Variants in ACSM4 observed in about 807,000 individuals in gnomAD.
ACSM4 encodes the protein acyl-CoA synthetase medium chain family member 4.
ACSM4 carries 66 observed loss-of-function variants against 73.0 expected under a neutral mutation model. That is an observed-to-expected ratio of 0.90 (90% CI 0.74 to 1.11). The LOEUF (loss-of-function observed/expected upper bound fraction) is 1.11, where lower values mean the gene tolerates loss of function less well. ACSM4 is among the 50% of genes least tolerant of loss of function. ACSM4 has a pLI of 0.00. For missense variants in ACSM4, 645 were observed against 714.4 expected, an observed-to-expected ratio of 0.90 and a Z score of 1.11; for synonymous variants, 222 against 254.0, an observed-to-expected ratio of 0.87 and a Z score of 1.20.
At chr12:7,323,734 G>C (rs1946482227) in intron 9 of ACSM4, among the ~76,000 whole-genome samples, 174 bp downstream of exon 9, 1 of 152,168 alleles carries the variant, frequency 6.6e-6, no homozygotes, top group Admixed American at 6.5e-5. Context: ...CCAAATGTAA[G>C]AAACCAGTTG....
intron 3 of ACSM4, among the ~76,000 whole-genome samples, chr12:7,311,022 T>A (rs1946387629): frequency 1.3e-5 from 2 of 151,934 alleles, no homozygotes; most frequent in East Asian, 3.9e-4. Flanking sequence ...AAAAATTAGC[T>A]GGGCGTGGTG....
Position 7,317,297 on chromosome 12 carries a change from A to C in ACSM4, c.764+17A>C. On this transcript the variant is annotated intron_variant, in intron 4 of 12. Coordinates refer to ENST00000399422, the MANE Select transcript of ACSM4 (RefSeq NM_001080454.2). ...CTGCGGAAGGTAGGGAAGAAAATTC[A>C]GTTTGTTTTTGGTGAACTCCCCCAA... 1 of 1,543,020 alleles carries C rather than the reference A, an allele frequency of 6.5e-7. No individual in the cohort carries two copies. Among genetic ancestry groups the C allele is most frequent in the Non-Finnish European group, 8.7e-7 (1 of 1,144,194 alleles).
At chr12:7,323,971 G>C (rs1327086105) in intron 9 of ACSM4, among the ~76,000 whole-genome samples, 2 of 152,080 alleles carry the variant, frequency 1.3e-5, no homozygotes, top group African/African-American at 4.8e-5. Flanking sequence ...GAGCCCAAGA[G>C]TTCAAGACCA....
In ACSM4 at chr12:7,310,653, A is replaced by G; in HGVS notation, c.527A>G (p.Glu176Gly). 2 of 1,613,400 alleles carry G rather than the reference A, an allele frequency of 1.2e-6. No individual in the cohort carries two copies. The highest frequency in any genetic ancestry group is 1.7e-6 in the Non-Finnish European group (2 of 1,179,688). Residue 176 changes from glutamate (E) to glycine (G), a missense_variant, in exon 3 of 13, where the codon GAG (glutamate) becomes GGG (glycine). Glu to Gly is a moderately conservative substitution (Grantham distance 98). Transcript: ENST00000399422. ...AGTGAGGAGGTGGCCCCAGCGGTGGAGTCCATTGTATTGGAGTGTCCTGAC... is the reference window on the plus strand; with the variant it reads ...AGTGAGGAGGTGGCCCCAGCGGTGGGGTCCATTGTATTGGAGTGTCCTGAC... The part of the protein sequence containing the change: ...VASEEVAPAV[E>G]SIVLECPDLK...
At chr12:7,312,516 A>G (rs1946396930) in intron 3 of ACSM4, among the ~76,000 whole-genome samples, 1 of 152,232 alleles carries the variant, frequency 6.6e-6, no homozygotes, top group African/African-American at 2.4e-5. Context: ...ATAATAGGGT[A>G]GTTTTACTTG....
chr12:7,327,697 A>G (rs1365292471), intron 12 of ACSM4, among the ~76,000 whole-genome samples: 1 of 152,128 alleles, frequency 6.6e-6, no homozygotes, highest in Admixed American at 6.5e-5. Flanking sequence ...AAGTAGTTAA[A>G]CCTAAAAACT....
chr12:7,319,259 T>C (rs1290844693), intron 5 of ACSM4, among the ~76,000 whole-genome samples: 2 of 152,044 alleles, frequency 1.3e-5, no homozygotes, highest in African/African-American at 2.4e-5. Flanking sequence ...AATGCCACCA[T>C]TGACCTGACA....
chr12:7,325,524 G>A (rs961726678), intron 11 of ACSM4, among the ~76,000 whole-genome samples: 1 of 152,170 alleles, frequency 6.6e-6, no homozygotes, highest in Non-Finnish European at 1.5e-5. Context: ...GCGGGCACCT[G>A]TAATCTCAGC....
At chr12:7,328,138 T>A in intron 12 of ACSM4, 149 bp from the exon 13 acceptor site, 3 of 546,016 alleles carry the variant, frequency 5.5e-6, no homozygotes, top group Non-Finnish European at 9.7e-6. Flanking sequence ...TAAACAGACG[T>A]TTCTGGTGTC....
At chr12:7,320,831 A>C (rs1206666630) in intron 6 of ACSM4, 27 bp downstream of exon 6, 2 of 1,554,058 alleles carry the variant, frequency 1.3e-6, no homozygotes, top group African/African-American at 2.7e-5. Context: ...CTCCATTTGA[A>C]CCACAAACAA....
Position 7,309,498 on chromosome 12 carries a change from A to G in ACSM4, c.413-1041A>G, listed in dbSNP as rs1239201861. On this transcript the variant is annotated intron_variant, in intron 2 of 12. Coordinates refer to ENST00000399422, the MANE Select transcript of ACSM4 (RefSeq NM_001080454.2). The stretch of plus-strand genomic sequence containing the variant: ...ACAGTATGCATATTATGAAACATAC[A>G]AAAATGAGATAAAAGCATTAAAAGA... 2.0e-5 allele frequency among the ~76,000 whole-genome samples: 3 copies of G among 152,224 alleles called. No homozygotes were observed. The East Asian group carries it at 5.8e-4, about 29-fold the overall frequency.
chr12:7,318,153 G>A lies in ACSM4; in HGVS notation c.892G>A (p.Ala298Thr), dbSNP rs180888064. 1 of 1,613,554 alleles carries A rather than the reference G, an allele frequency of 6.2e-7. No individual in the cohort carries two copies. Residue 298 changes from alanine to threonine, a missense_variant, in exon 5 of 13, where the codon GCA becomes ACA. Coordinates refer to ENST00000399422, the MANE Select transcript of ACSM4 (RefSeq NM_001080454.2). The part of the protein sequence containing the change: ...CGACVFVHRM[A>T]QFDTDTFLDT... ...AGCCTGTGTTTTTGTGCATCGAATG[G>A]CACAGTTTGACACTGACACCTTCCT...
chr12:7,306,534 C>G lies in ACSM4; in HGVS notation c.203C>G (p.Thr68Arg). 1 of 1,588,752 alleles carries G rather than the reference C, an allele frequency of 6.3e-7. No individual in the cohort carries two copies. The highest frequency in any genetic ancestry group is 2.3e-5 in the East Asian group (1 of 43,538). Residue 68 changes from threonine to arginine, a missense_variant and splice_region_variant, in exon 2 of 13, where the codon ACA becomes AGA. Thr to Arg is a moderately conservative substitution (Grantham distance 71). Coordinates refer to ENST00000399422, the MANE Select transcript of ACSM4 (RefSeq NM_001080454.2). ...TCTTTTCCATGTGTCCCTGGTCAGACAGGGGAGAGACCAGCTAACCCAGCC... is the reference window on the plus strand; with the variant it reads ...TCTTTTCCATGTGTCCCTGGTCAGAGAGGGGAGAGACCAGCTAACCCAGCC... ...VLDQWSQKEK[T>R]GERPANPALW...
chr12:7,310,622 G>A lies in ACSM4; in HGVS notation c.496G>A (p.Val166Met), dbSNP rs375534014. The A allele has an allele frequency of 4.3e-6, 7 of 1,613,136 alleles. No individual in the cohort carries two copies. The highest frequency in any genetic ancestry group is 1.1e-5 in the South Asian group (1 of 90,928). ...GCGAGCATCCAAGGCCAAGTGCATT[G>A]TGGCCAGTGAGGAGGTGGCCCCAGC... is the stretch of plus-strand genomic sequence containing the variant. ...RLRASKAKCI[V>M]ASEEVAPAVE... The change falls in exon 3 of 13, where the codon GTG (valine) becomes ATG (methionine). Residue 166 changes from valine to methionine, a missense_variant. By Grantham distance (21) the Val-to-Met change is conservative. Transcript: ENST00000399422.
At chr12:7,327,284 C>A (rs756466310) in intron 12 of ACSM4, among the ~76,000 whole-genome samples, 189 bp downstream of exon 12, 2 of 152,192 alleles carry the variant, frequency 1.3e-5, no homozygotes, top group South Asian at 4.2e-4. Context: ...AATTATAAAC[C>A]AGAACCTTTA....
chr12:7,311,293 CT>C (rs1376006943), intron 3 of ACSM4, among the ~76,000 whole-genome samples: 5 of 152,122 alleles, frequency 3.3e-5, no homozygotes, highest in Non-Finnish European at 7.4e-5. Flanking sequence ...CTACTGTGGC[CT>C]ATGATGAGTA....
chr12:7,315,751 A>T (rs992582299), intron 3 of ACSM4, among the ~76,000 whole-genome samples: 12 of 152,318 alleles, frequency 7.9e-5, no homozygotes, highest in African/African-American at 2.6e-4. Flanking sequence ...TTATTTGCTC[A>T]TGAGTCCATG....
chr12:7,328,568 T>G lies in ACSM4; in HGVS notation c.*195T>G. The G allele has an allele frequency of 2.8e-6, 1 of 355,556 alleles. No individual in the cohort carries two copies. The highest frequency in any genetic ancestry group is 5.2e-6 in the Non-Finnish European group (1 of 193,504). The allele number at this position is 355,556 out of a possible 1,614,324, so 22.0% of individuals were successfully genotyped here. On this transcript the variant is annotated 3_prime_UTR_variant, in exon 13 of 13. Coordinates refer to ENST00000399422, the MANE Select transcript of ACSM4 (RefSeq NM_001080454.2). ...AGCCTCAAAAACGTATGGATGAAAATTGTTATAATGACCAAACTGACAAAG... is the reference window on the plus strand; with the variant it reads ...AGCCTCAAAAACGTATGGATGAAAAGTGTTATAATGACCAAACTGACAAAG...
intron 1 of ACSM4, 53 bp from the exon 2 acceptor site, chr12:7,306,480 G>C (rs1334653391): frequency 6.7e-7 from 1 of 1,496,864 alleles, no homozygotes; most frequent in Non-Finnish European, 9.1e-7. Context: ...CCGCATGTAA[G>C]AGTAATCAGT....
Sources: gnomAD v4.1 joint callset for allele counts (sites outside exome capture counted in the v4.1 genomes callset) on GRCh38, gnomAD v4.1.1 for gene constraint, MANE v1.5 for transcripts, NCBI Gene and HGNC (gene_info 2026-07-23, HGNC 2026-07-21) for gene names.